Variants in CACNA2D1 observed in about 807,000 individuals in gnomAD.
The protein encoded by CACNA2D1 is calcium voltage-gated channel auxiliary subunit alpha2delta 1.
Under a neutral mutation model 171.5 loss-of-function variants are expected in CACNA2D1, and 53 were observed. The observed-to-expected ratio is 0.31, with a 90% CI of 0.25 to 0.39. The LOEUF (loss-of-function observed/expected upper bound fraction) is 0.39, where lower values mean the gene tolerates loss of function less well. Ranked by LOEUF, CACNA2D1 falls within the 10% of genes least tolerant of loss-of-function variation. The pLI, the probability that CACNA2D1 is intolerant of heterozygous loss-of-function variation, is 1.00. For missense variants in CACNA2D1, 903 were observed against 1,299.8 expected (o/e 0.69, Z 4.69); for synonymous variants, 442 against 443.1 (o/e 1.00, Z 0.03).
At chr7:82,374,198 T>C (rs1302891837) in intron 1 of CACNA2D1, among the ~76,000 whole-genome samples, 2 of 152,222 alleles carry the variant, frequency 1.3e-5, no homozygotes, top group East Asian at 1.9e-4. Context: ...GTGTTTCATG[T>C]ATGTTAAAAA....
chr7:82,187,048 C>A (rs370785378), intron 3 of CACNA2D1, among the ~76,000 whole-genome samples: 4 of 152,102 alleles, frequency 2.6e-5, no homozygotes, highest in Non-Finnish European at 5.9e-5. Flanking sequence ...ATTTTTAAGG[C>A]TGCAAATGAT....
chr7:82,007,809 G>T, intron 15 of CACNA2D1, 53 bp from the exon 16 acceptor site: 2 of 1,040,226 alleles, frequency 1.9e-6, no homozygotes, highest in Admixed American at 1.7e-5. Flanking sequence ...TTTAAGCTTT[G>T]TCAGAGTGCA....
At chr7:82,021,623 C>T (rs924404432) in intron 12 of CACNA2D1, among the ~76,000 whole-genome samples, 3 of 151,990 alleles carry the variant, frequency 2.0e-5, no homozygotes, top group Non-Finnish European at 4.4e-5. Context: ...AGAATTAATT[C>T]ATTGGTATGT....
chr7:82,224,039 A>G (rs540826179), intron 3 of CACNA2D1, among the ~76,000 whole-genome samples: 1 of 151,834 alleles, frequency 6.6e-6, no homozygotes, highest in Non-Finnish European at 1.5e-5. Flanking sequence ...GCTTCCCTTC[A>G]CTTTCATTAC....
At chr7:82,011,404 C>A (rs1401597138) in intron 15 of CACNA2D1, among the ~76,000 whole-genome samples, 1 of 152,186 alleles carries the variant, frequency 6.6e-6, no homozygotes, top group African/African-American at 2.4e-5. Flanking sequence ...AACCCCTCCC[C>A]TCAAGCCATG....
chr7:82,092,998 GTTTT>G lies in CACNA2D1; in HGVS notation c.527-8102_527-8099del, dbSNP rs113962217. On this transcript the variant is annotated intron_variant, in intron 6 of 38. Transcript: ENST00000356860. ...AAAGGACTCCAAATTAAAGTGTGTG[GTTTT>G]TTTTTGTTTTGTTTTCATGCATACT... 6.0e-5 allele frequency among the ~76,000 whole-genome samples: 9 copies of G among 150,948 alleles called. No homozygotes were observed. The South Asian group carries it at 1.9e-3, about 32-fold the overall frequency.
rs867336054 is a variant in CACNA2D1, at chr7:81,962,784, G to C, written c.2781-289C>G. ...AAGCAGAAGAGTTCACTCTAAGAGG[G>C]AGAATGTCTGTTTCAGCGCGTAGGT... On this transcript the variant is annotated intron_variant, in intron 34 of 38. Coordinates refer to ENST00000356860, the MANE Select transcript of CACNA2D1 (RefSeq NM_000722.4). Among the ~76,000 whole-genome samples, 3 of 151,970 alleles carry C rather than the reference G, an allele frequency of 2.0e-5. No homozygotes were observed. The South Asian group carries it at 6.2e-4, about 31-fold the overall frequency.
At chr7:82,039,197 CAT>C (rs1317599627) in intron 10 of CACNA2D1, among the ~76,000 whole-genome samples, 2 of 152,106 alleles carry the variant, frequency 1.3e-5, no homozygotes, top group Admixed American at 1.3e-4. Flanking sequence ...ACATCAAAAA[CAT>C]ATACTTATTT....
intron 6 of CACNA2D1, among the ~76,000 whole-genome samples, chr7:82,113,181 T>C (rs1318932767): frequency 6.6e-6 from 1 of 152,128 alleles, no homozygotes; most frequent in Non-Finnish European, 1.5e-5. Context: ...TCATTAATGT[T>C]ATTCTTATAG....
chr7:82,319,777 T>C (rs1331069259), intron 3 of CACNA2D1, among the ~76,000 whole-genome samples: 2 of 152,220 alleles, frequency 1.3e-5, no homozygotes, highest in Non-Finnish European at 2.9e-5. Flanking sequence ...CCAACATTTA[T>C]AGGAGTAGCT....
chr7:82,070,919 G>A (rs1000727144), intron 7 of CACNA2D1, among the ~76,000 whole-genome samples: 2 of 152,138 alleles, frequency 1.3e-5, no homozygotes, highest in South Asian at 2.1e-4. Context: ...CAGAGATGAC[G>A]GAGATGAGGA....
At chr7:82,403,733 AT>A (rs1385357220) in intron 1 of CACNA2D1, among the ~76,000 whole-genome samples, 1 of 152,188 alleles carries the variant, frequency 6.6e-6, no homozygotes, top group African/African-American at 2.4e-5. Context: ...ATACTACATC[AT>A]GGGGGAAGAC....
intron 20 of CACNA2D1, among the ~76,000 whole-genome samples, chr7:81,991,893 G>GGTGTGATCTCGGCTCACT (rs1797575419): frequency 6.6e-6 from 1 of 151,412 alleles, no homozygotes; most frequent in African/African-American, 2.4e-5. Flanking sequence ...GGAGTGCAGC[G>GGTGTGATCTCGGCTCACT]GTGTGATCTC....
At chr7:81,996,341 C>A (rs925132433) in intron 19 of CACNA2D1, among the ~76,000 whole-genome samples, 1 of 152,010 alleles carries the variant, frequency 6.6e-6, no homozygotes, top group Non-Finnish European at 1.5e-5. Flanking sequence ...ACAAGGCCAC[C>A]GTCTAGGGTA....
At chr7:82,332,510 T>TAAAGAAAGAAAAAG (rs1554514821) in intron 3 of CACNA2D1, among the ~76,000 whole-genome samples, 170 of 92,652 alleles carry the variant, frequency 1.8e-3, no homozygotes, top group African/African-American at 6.3e-3. Context: ...AAAAGAAATA[T>TAAAGAAAGAAAAAG]AAAGAAAGAA....
At chr7:82,239,454 C>T (rs1803993786) in intron 3 of CACNA2D1, among the ~76,000 whole-genome samples, 1 of 152,094 alleles carries the variant, frequency 6.6e-6, no homozygotes, top group Non-Finnish European at 1.5e-5. Flanking sequence ...AGTAATGCTT[C>T]CACATTTCCT....
intron 3 of CACNA2D1, among the ~76,000 whole-genome samples, chr7:82,249,644 G>A (rs1805388189): frequency 6.6e-6 from 1 of 152,192 alleles, no homozygotes; most frequent in Non-Finnish European, 1.5e-5. Flanking sequence ...TCCAGTGGGA[G>A]AATAAGGGTC....
At chr7:82,269,119 C>T (rs1808295984) in intron 3 of CACNA2D1, among the ~76,000 whole-genome samples, 2 of 152,166 alleles carry the variant, frequency 1.3e-5, no homozygotes, top group African/African-American at 2.4e-5. Context: ...GTCCCTCTTT[C>T]CTATATCTCC....
chr7:82,160,955 A>C (rs1038367193), intron 4 of CACNA2D1, among the ~76,000 whole-genome samples: 1 of 152,086 alleles, frequency 6.6e-6, no homozygotes, highest in Non-Finnish European at 1.5e-5. Flanking sequence ...AGAGTTTAAC[A>C]ATAGAAAAGC....
Sources: allele counts gnomAD v4.1 joint callset (sites outside exome capture counted in the v4.1 genomes callset), GRCh38; gene constraint gnomAD v4.1.1; transcripts MANE v1.5; gene names NCBI Gene and HGNC (gene_info 2026-07-23, HGNC 2026-07-21).